SORCS3: variants seen among roughly 807,000 people sequenced by gnomAD.
SORCS3 encodes the protein sortilin related VPS10 domain containing receptor 3, also known as VPS10 domain-containing receptor SorCS3.
A neutral mutation model predicts 146.3 loss-of-function variants in SORCS3; 57 were observed. That is an observed-to-expected ratio of 0.39 (90% CI 0.31 to 0.49). The LOEUF is 0.49. Among genes scored for constraint, SORCS3 ranks in the 20% least tolerant of loss-of-function variants. The pLI is 0.92. For missense variants in SORCS3, 1,341 were observed against 1,575.5 expected, an observed-to-expected ratio of 0.85 and a Z score of 2.52; for synonymous variants, 653 against 618.5, an observed-to-expected ratio of 1.06 and a Z score of -0.83.
intron 4 of SORCS3, among the ~76,000 whole-genome samples, chr10:105,021,262 G>A (rs566273281): frequency 3.5e-4 from 53 of 152,168 alleles, no homozygotes; most frequent in Non-Finnish European, 6.2e-4. Flanking sequence ...TCATCCCATG[G>A]TGGAAGGGCA....
intron 1 of SORCS3, among the ~76,000 whole-genome samples, chr10:104,704,721 C>T (rs528248163): frequency 8.5e-5 from 13 of 152,148 alleles, no homozygotes; most frequent in Non-Finnish European, 1.9e-4. Context: ...ATCCTTGCAT[C>T]GTGCCTGTAA....
intron 8 of SORCS3, among the ~76,000 whole-genome samples, chr10:105,140,564 G>A (rs1589652265): frequency 6.6e-6 from 1 of 152,162 alleles, no homozygotes; most frequent in African/African-American, 2.4e-5. Context: ...GTCAACTATG[G>A]GTAGTGAGGG....
At chr10:104,677,801 A>G (rs763374877) in intron 1 of SORCS3, among the ~76,000 whole-genome samples, 7 of 152,128 alleles carry the variant, frequency 4.6e-5, no homozygotes, top group Non-Finnish European at 8.8e-5. Context: ...GACTTTCTGG[A>G]GAAAGTGTGG....
intron 2 of SORCS3, among the ~76,000 whole-genome samples, chr10:104,863,840 G>A (rs1304541504): frequency 6.6e-6 from 1 of 152,202 alleles, no homozygotes; most frequent in African/African-American, 2.4e-5. Flanking sequence ...ATATTTTGGA[G>A]TGAGGGCATG....
At chr10:105,163,135 AT>A (rs1255867157) in intron 11 of SORCS3, among the ~76,000 whole-genome samples, 2 of 152,146 alleles carry the variant, frequency 1.3e-5, no homozygotes, top group Non-Finnish European at 2.9e-5. Flanking sequence ...CCCAGGGGTT[AT>A]TTTTGAAATC....
intron 1 of SORCS3, among the ~76,000 whole-genome samples, chr10:104,719,329 C>T (rs906403340): frequency 1.9e-4 from 29 of 152,132 alleles, no homozygotes; most frequent in African/African-American, 7.0e-4. Flanking sequence ...CAGTGTCTAG[C>T]GTGTGTGTGC....
chr10:105,110,863 C>G (rs1194292959), intron 7 of SORCS3, among the ~76,000 whole-genome samples: 1 of 151,972 alleles, frequency 6.6e-6, no homozygotes, highest in African/African-American at 2.4e-5. Flanking sequence ...GTTACAAGAG[C>G]TTACTAATTG....
chr10:105,148,527 C>T (rs917092705), intron 9 of SORCS3, among the ~76,000 whole-genome samples: 1 of 152,108 alleles, frequency 6.6e-6, no homozygotes, highest in African/African-American at 2.4e-5. Flanking sequence ...AGTGAAGGAA[C>T]TTGACTGACC....
chr10:104,966,165 G>A, intron 3 of SORCS3, among the ~76,000 whole-genome samples: 1 of 151,058 alleles, frequency 6.6e-6, no homozygotes, highest in East Asian at 1.9e-4. Context: ...TCTCTCCCCT[G>A]CCCCCAGCTG....
chr10:105,063,899 G>C (rs2055504538), intron 5 of SORCS3, among the ~76,000 whole-genome samples: 1 of 152,234 alleles, frequency 6.6e-6, no homozygotes, highest in Non-Finnish European at 1.5e-5. Context: ...AAGTCAGCCA[G>C]TAGCCTATGC....
At chr10:104,735,560 G>A (rs1414904580) in intron 1 of SORCS3, among the ~76,000 whole-genome samples, 2 of 147,808 alleles carry the variant, frequency 1.4e-5, no homozygotes, top group African/African-American at 5.0e-5. Flanking sequence ...AAGGAAACTG[G>A]CCCTCATAAT....
At chr10:104,652,059 ATGTGTGTGTG>A (rs3069971) in intron 1 of SORCS3, among the ~76,000 whole-genome samples, 7 of 148,944 alleles carry the variant, frequency 4.7e-5, no homozygotes, top group East Asian at 2.0e-4. Context: ...TATATTTTAA[ATGTGTGTGTG>A]TGTGTGTGTG....
intron 1 of SORCS3, among the ~76,000 whole-genome samples, chr10:104,749,644 AAAG>A (rs529301506): frequency 1.6e-3 from 246 of 152,318 alleles, no homozygotes; most frequent in Non-Finnish European, 2.7e-3. Flanking sequence ...TGGGCCTTGA[AAAG>A]AGGAGGTAAC....
intron 2 of SORCS3, among the ~76,000 whole-genome samples, chr10:104,889,505 G>T (rs2018727378): frequency 1.5e-5 from 2 of 134,686 alleles, no homozygotes; most frequent in Admixed American, 7.7e-5. Context: ...GACTTGCTGT[G>T]TATAACTATT....
At chr10:104,815,649 A>G (rs750992294) in intron 1 of SORCS3, among the ~76,000 whole-genome samples, 2 of 151,974 alleles carry the variant, frequency 1.3e-5, no homozygotes, top group Non-Finnish European at 2.9e-5. Context: ...CATTTCCACA[A>G]TGACATACTA....
chr10:104,891,017 G>A (rs1261944572), intron 2 of SORCS3, among the ~76,000 whole-genome samples: 2 of 152,136 alleles, frequency 1.3e-5, no homozygotes, highest in African/African-American at 4.8e-5. Context: ...ATTGGGTGCT[G>A]GATATTTTAA....
intron 1 of SORCS3, among the ~76,000 whole-genome samples, chr10:104,735,227 A>G (rs541269661): frequency 2.0e-5 from 3 of 152,208 alleles, no homozygotes; most frequent in African/African-American, 4.8e-5. Flanking sequence ...GTGCTGCTGC[A>G]TTGTTCTTGG....
In SORCS3 at chr10:105,054,393, A is replaced by T. The variant is rs12240837; in HGVS notation, c.1028+11265A>T. 4.2e-3 allele frequency among the ~76,000 whole-genome samples: 635 copies of T among 151,812 alleles called. 5 individuals carry two copies. Among genetic ancestry groups the T allele is most frequent in the African/African-American group, 0.014 (577 of 41,506 alleles). On this transcript the variant is annotated intron_variant, in intron 5 of 26. Transcript: ENST00000369701. ...AATGCAGCCTTATTCAATCATATATATTAGATATTAGATATATATAAAAGG... is the reference window on the plus strand; with the variant it reads ...AATGCAGCCTTATTCAATCATATATTTTAGATATTAGATATATATAAAAGG...
chr10:105,101,931 A>G (rs2055787799), intron 6 of SORCS3, among the ~76,000 whole-genome samples: 1 of 152,170 alleles, frequency 6.6e-6, no homozygotes, highest in South Asian at 2.1e-4. Context: ...AATTACTAAG[A>G]CTGTATGGTT....
Sources: gnomAD v4.1 joint callset for allele counts (sites outside exome capture counted in the v4.1 genomes callset) on GRCh38, gnomAD v4.1.1 for gene constraint, MANE v1.5 for transcripts, NCBI Gene and HGNC (gene_info 2026-07-23, HGNC 2026-07-21) for gene names.